The following PRKD1 variants were observed in gnomAD, a reference collection of about 807,000 sequenced individuals.
PRKD1 encodes serine/threonine-protein kinase D1.
PRKD1 carries 63 observed loss-of-function variants against 95.9 expected under a neutral mutation model. The observed-to-expected ratio is 0.66, with a 90% CI of 0.54 to 0.81. PRKD1 has a LOEUF of 0.81. PRKD1 is among the 30% of genes least tolerant of loss of function. PRKD1 has a pLI of 0.00. For missense variants in PRKD1, 1,048 were observed against 1,165.3 expected, an observed-to-expected ratio of 0.90 and a Z score of 1.47; for synonymous variants, 425 against 423.1, an observed-to-expected ratio of 1.00 and a Z score of -0.05.
chr14:29,862,303 T>C lies in PRKD1; in HGVS notation c.264+64946A>G, dbSNP rs145368893. Among the ~76,000 whole-genome samples, 314 of 152,314 alleles carry C rather than the reference T, an allele frequency of 2.1e-3. 4 individuals carry two copies. Among genetic ancestry groups the C allele is most frequent in the African/African-American group, 6.9e-3 (288 of 41,558 alleles). Reference sequence around the variant, plus strand: ...TTAGGTTTCCTCCAAATCTTGGCTATTGTGAACAGGGCTGCAAAAAACATG... The same window carrying C: ...TTAGGTTTCCTCCAAATCTTGGCTACTGTGAACAGGGCTGCAAAAAACATG... On this transcript the variant is annotated intron_variant, in intron 1 of 17. Coordinates refer to ENST00000331968, the MANE Select transcript of PRKD1 (RefSeq NM_002742.3).
At chr14:29,682,476 CTTCATGTAATTGT>C (rs1341755575) in intron 2 of PRKD1, among the ~76,000 whole-genome samples, 1 of 152,040 alleles carries the variant, frequency 6.6e-6, no homozygotes, top group African/African-American at 2.4e-5. Flanking sequence ...AGCTTATATC[CTTCATGTAATTGT>C]ACCAGACTAA....
intron 1 of PRKD1, among the ~76,000 whole-genome samples, chr14:29,787,716 G>T (rs1431284699): frequency 2.0e-5 from 3 of 151,990 alleles, no homozygotes. Flanking sequence ...CATTTTATGT[G>T]TGTCTACAGT....
rs1895339225 is a variant in PRKD1 at position 29,927,299 on chromosome 14, A to G, written c.214T>C (p.Tyr72His). The G allele has an allele frequency of 1.3e-6, 2 of 1,547,036 alleles. No homozygotes were observed. Residue 72 changes from tyrosine (Y) to histidine (H), a missense_variant, in exon 1 of 18, where the codon TAC (tyrosine) becomes CAC (histidine). Tyr to His is a moderately conservative substitution (Grantham distance 83). Coordinates refer to ENST00000331968, the MANE Select transcript of PRKD1 (RefSeq NM_002742.3). ...VLLLQDSSGD[Y>H]SLAHVREMAC... ...ATCTCGCGGACGTGCGCCAGGCTGT[A>G]GTCCCCGGACGAGTCCTGCAGCAGC...
chr14:29,824,954 G>C (rs1190889870), intron 1 of PRKD1, among the ~76,000 whole-genome samples: 1 of 152,072 alleles, frequency 6.6e-6, no homozygotes, highest in African/African-American at 2.4e-5. Flanking sequence ...CTTGTCAGTA[G>C]ACTGAAAAGC....
rs1300388131 is a variant in PRKD1 at position 29,631,041 on chromosome 14, C to T, written c.1393-20G>A. The T allele has an allele frequency of 6.3e-7, 1 of 1,576,028 alleles. No homozygotes were observed. On this transcript the variant is annotated intron_variant, in intron 9 of 17. Coordinates refer to ENST00000331968, the MANE Select transcript of PRKD1 (RefSeq NM_002742.3). ...AATTTCCTGTGAAAGAAAAAAAGTA[C>T]TAAATGTTGTTTATCAAAAGTATGT...
intron 2 of PRKD1, among the ~76,000 whole-genome samples, chr14:29,666,811 C>T (rs2139221056): frequency 6.6e-6 from 1 of 152,136 alleles, no homozygotes; most frequent in Non-Finnish European, 1.5e-5. Context: ...ACCAACATGC[C>T]AAAGAGAGGG....
At chr14:29,910,636 T>A (rs1894675282) in intron 1 of PRKD1, among the ~76,000 whole-genome samples, 1 of 152,312 alleles carries the variant, frequency 6.6e-6, no homozygotes, top group East Asian at 1.9e-4. Flanking sequence ...TTTGCCTATC[T>A]TAAGAGCTAA....
chr14:29,587,248 C>T (rs1390805765), intron 16 of PRKD1, among the ~76,000 whole-genome samples: 1 of 152,068 alleles, frequency 6.6e-6, no homozygotes, highest in Admixed American at 6.6e-5. Flanking sequence ...ATTACTAGAA[C>T]AATTTGGTAA....
intron 1 of PRKD1, among the ~76,000 whole-genome samples, chr14:29,883,241 C>T (rs1353912577): frequency 6.6e-6 from 1 of 152,180 alleles, no homozygotes; most frequent in Non-Finnish European, 1.5e-5. Context: ...GTGGCCCAAA[C>T]ACCTCCCACC....
At chr14:29,799,264 G>C (rs1889932846) in intron 1 of PRKD1, among the ~76,000 whole-genome samples, 1 of 152,194 alleles carries the variant, frequency 6.6e-6, no homozygotes, top group South Asian at 2.1e-4. Flanking sequence ...TTAAACAAGT[G>C]ATATTTTAAT....
chr14:29,735,395 T>C (rs1289669933), intron 1 of PRKD1, among the ~76,000 whole-genome samples: 1 of 152,202 alleles, frequency 6.6e-6, no homozygotes, highest in African/African-American at 2.4e-5. Flanking sequence ...TGCAGGACTG[T>C]AATTAAGACA....
intron 1 of PRKD1, among the ~76,000 whole-genome samples, chr14:29,822,144 A>G (rs1890938291): frequency 6.6e-6 from 1 of 152,194 alleles, no homozygotes; most frequent in Non-Finnish European, 1.5e-5. Flanking sequence ...CCAGGTCACT[A>G]TGGAAAGCAA....
At chr14:29,766,380 G>T (rs1165571261) in intron 1 of PRKD1, among the ~76,000 whole-genome samples, 1 of 142,094 alleles carries the variant, frequency 7.0e-6, no homozygotes, top group Non-Finnish European at 1.5e-5. Flanking sequence ...AGTATTCAAG[G>T]AACAGGGAAA....
At chr14:29,925,244 T>C (rs1895256432) in intron 1 of PRKD1, among the ~76,000 whole-genome samples, 1 of 152,114 alleles carries the variant, frequency 6.6e-6, no homozygotes, top group Non-Finnish European at 1.5e-5. Flanking sequence ...CTCCCCCAAG[T>C]CTTGACTCAT....
At chr14:29,606,639 T>C (rs1877994569) in intron 13 of PRKD1, among the ~76,000 whole-genome samples, 1 of 152,198 alleles carries the variant, frequency 6.6e-6, no homozygotes, top group Non-Finnish European at 1.5e-5. Context: ...ATAAGCAAAG[T>C]AGCAGCACAG....
At chr14:29,748,974 TA>T (rs1887356397) in intron 1 of PRKD1, among the ~76,000 whole-genome samples, 1 of 152,102 alleles carries the variant, frequency 6.6e-6, no homozygotes, top group Non-Finnish European at 1.5e-5. Flanking sequence ...CAAATTTTAT[TA>T]AAAAACAAAT....
intron 1 of PRKD1, among the ~76,000 whole-genome samples, chr14:29,841,283 G>T (rs998030459): frequency 6.6e-6 from 1 of 152,156 alleles, no homozygotes; most frequent in Admixed American, 6.5e-5. Context: ...TTAAGAATCT[G>T]GGGGACTGTT....
At position 29,577,095 on chromosome 14, in the gene PRKD1, C is replaced by G; in HGVS notation, c.*143G>C. Reference sequence around the variant, plus strand: ...CTTCTGTTGATTTGTCTTGGCAACTCAGATACATCAACAGTGCTAACAGTT... The same window carrying G: ...CTTCTGTTGATTTGTCTTGGCAACTGAGATACATCAACAGTGCTAACAGTT... On this transcript the variant is annotated 3_prime_UTR_variant, in exon 18 of 18. Transcript: ENST00000331968. 2.4e-6 allele frequency: 2 copies of G among 845,682 alleles called. No individual in the cohort carries two copies. The highest frequency in any genetic ancestry group is 3.7e-6 in the Non-Finnish European group (2 of 547,838). 52.4% of individuals were successfully genotyped at this position (845,682 alleles called of 1,614,324 possible).
chr14:29,898,764 T>C (rs1016279067), intron 1 of PRKD1, among the ~76,000 whole-genome samples: 9 of 152,212 alleles, frequency 5.9e-5, no homozygotes, highest in African/African-American at 1.7e-4. Flanking sequence ...ACATCAGCTG[T>C]GTCCACAGAT....
Sources: gnomAD v4.1 joint callset for allele counts (sites outside exome capture counted in the v4.1 genomes callset) on GRCh38, gnomAD v4.1.1 for gene constraint, MANE v1.5 for transcripts, NCBI Gene and HGNC (gene_info 2026-07-23, HGNC 2026-07-21) for gene names.